Variants in ANGPT1 observed in about 807,000 individuals in gnomAD.
ANGPT1 encodes angiopoietin 1, also known as angiopoietin-1.
In ANGPT1, 17 loss-of-function variants were observed where a neutral mutation model predicts 62.2. That is an observed-to-expected ratio of 0.27 (90% confidence interval 0.19 to 0.41). ANGPT1 has a LOEUF of 0.41. Ranked by LOEUF, ANGPT1 falls within the 10% of genes least tolerant of loss-of-function variation. ANGPT1 has a pLI of 1.00. For synonymous variants in ANGPT1, 199 were observed against 198.9 expected (o/e 1.00, Z 0.00); for missense variants, 478 against 594.9 (o/e 0.80, Z 2.04).
At chr8:107,346,898 A>G in intron 2 of ANGPT1, 44 bp downstream of exon 2, 1 of 1,537,256 alleles carries the variant, frequency 6.5e-7, no homozygotes. Flanking sequence ...AGAAAAAAAA[A>G]ATTTTTCCTT....
rs187230625 is a variant in ANGPT1, at chr8:107,344,319, A to G, written c.453+2623T>C. ...AATAATTCCTCCTACAAACCCCTTC[A>G]TATTGTACTCTTGGAAAGAGGAACT... On this transcript the variant is annotated intron_variant, in intron 2 of 8. Transcript: ENST00000517746. Among the ~76,000 whole-genome samples, 299 of 152,280 alleles carry G rather than the reference A, an allele frequency of 2.0e-3. 1 individual carries two copies. The highest frequency in any genetic ancestry group is 4.3e-3 in the East Asian group (22 of 5,168).
At chr8:107,293,913 C>T (rs747497812) in intron 6 of ANGPT1, 23 bp downstream of exon 6, 1 of 1,581,344 alleles carries the variant, frequency 6.3e-7, no homozygotes. Flanking sequence ...CACCAAAAAG[C>T]ACCATAAATT....
intron 1 of ANGPT1, among the ~76,000 whole-genome samples, chr8:107,496,981 C>T (rs190879496): frequency 8.5e-5 from 13 of 152,198 alleles, no homozygotes; most frequent in African/African-American, 3.1e-4. Flanking sequence ...CAGAGAGAAC[C>T]TTAATGCTGA....
At chr8:107,388,885 C>A (rs932810059) in intron 1 of ANGPT1, among the ~76,000 whole-genome samples, 3 of 152,076 alleles carry the variant, frequency 2.0e-5, no homozygotes, top group African/African-American at 7.2e-5. Context: ...TAAAGTATTA[C>A]CAGAAGGGCA....
chr8:107,322,174 C>T (rs1218866715), intron 3 of ANGPT1, 46 bp from the exon 4 acceptor site: 1 of 1,355,102 alleles, frequency 7.4e-7, no homozygotes. Context: ...AAATGTTATA[C>T]AAAAAAACCC....
intron 1 of ANGPT1, among the ~76,000 whole-genome samples, chr8:107,393,810 AAAAC>A (rs979423768): frequency 1.1e-4 from 16 of 152,154 alleles, no homozygotes; most frequent in African/African-American, 3.6e-4. Context: ...ACTCCATCTC[AAAAC>A]AAACAAACAA....
chr8:107,313,429 GTTTTTTTT>G (rs71308720), intron 4 of ANGPT1, among the ~76,000 whole-genome samples: 2 of 64,182 alleles, frequency 3.1e-5, no homozygotes, highest in South Asian at 7.6e-4. Flanking sequence ...GTTACTAGTT[GTTTTTTTT>G]TTTTTTTTTT....
intron 1 of ANGPT1, among the ~76,000 whole-genome samples, chr8:107,378,330 G>A (rs1295151135): frequency 6.6e-6 from 1 of 152,144 alleles, no homozygotes; most frequent in Non-Finnish European, 1.5e-5. Flanking sequence ...AGTGAGAAAG[G>A]TGCATTTAGA....
intron 1 of ANGPT1, among the ~76,000 whole-genome samples, chr8:107,355,289 G>C (rs1563583534): frequency 6.6e-6 from 1 of 152,074 alleles, no homozygotes; most frequent in African/African-American, 2.4e-5. Context: ...CACAGTCACT[G>C]ACTAAGGTCA....
intron 6 of ANGPT1, among the ~76,000 whole-genome samples, chr8:107,293,407 A>G (rs1814331082): frequency 6.6e-6 from 1 of 152,192 alleles, no homozygotes; most frequent in African/African-American, 2.4e-5. Context: ...AAAGGCTGAA[A>G]GCTCCTGCTT....
chr8:107,412,547 A>C (rs1237651762), intron 1 of ANGPT1, among the ~76,000 whole-genome samples: 2 of 152,182 alleles, frequency 1.3e-5, no homozygotes, highest in Non-Finnish European at 2.9e-5. Context: ...GTATACATTC[A>C]AAAGAAATTA....
At chr8:107,297,322 G>C (rs922079927) in intron 5 of ANGPT1, among the ~76,000 whole-genome samples, 2 of 151,948 alleles carry the variant, frequency 1.3e-5, no homozygotes, top group Non-Finnish European at 2.9e-5. Context: ...CAACTTGAGT[G>C]CTACATTGCC....
intron 1 of ANGPT1, among the ~76,000 whole-genome samples, chr8:107,472,387 T>A (rs184539784): frequency 6.6e-6 from 1 of 152,078 alleles, no homozygotes; most frequent in African/African-American, 2.4e-5. Flanking sequence ...TCCTTGGCGA[T>A]AGAGAAGCTA....
intron 4 of ANGPT1, among the ~76,000 whole-genome samples, chr8:107,318,930 A>C (rs1586219068): frequency 6.6e-6 from 1 of 152,288 alleles, no homozygotes; most frequent in East Asian, 1.9e-4. Context: ...GGTAGATATT[A>C]TGATCCCATT....
intron 2 of ANGPT1, among the ~76,000 whole-genome samples, chr8:107,346,384 G>A (rs1815803857): frequency 6.6e-6 from 1 of 152,072 alleles, no homozygotes; most frequent in African/African-American, 2.4e-5. Flanking sequence ...AACTATGATG[G>A]GGTGTTTGTG....
intron 4 of ANGPT1, among the ~76,000 whole-genome samples, chr8:107,304,481 T>C (rs575729451): frequency 6.6e-6 from 1 of 151,826 alleles, no homozygotes; most frequent in Admixed American, 6.6e-5. Flanking sequence ...ATAATAGTCT[T>C]TTATAATAAA....
intron 2 of ANGPT1, chr8:107,336,664 C>CAAAA (rs764777661): frequency 1.6e-5 from 1 of 61,354 alleles, no homozygotes. Flanking sequence ...GACTCTGTCT[C>CAAAA]AAAAAAAAAA....
rs763040846 is a variant in ANGPT1, at chr8:107,321,870, T to C, written c.808+26A>G. 90 of 1,590,040 alleles carry C rather than the reference T, an allele frequency of 5.7e-5. 1 individual carries two copies. In the South Asian group the frequency reaches 9.7e-4, roughly 17 times the overall value. On this transcript the variant is annotated intron_variant, in intron 4 of 8. Coordinates refer to ENST00000517746, the MANE Select transcript of ANGPT1 (RefSeq NM_001146.5). Reference sequence around the variant, plus strand: ...ATCAAAGGAAATAAAATATTAACAATACCAAAGTGAGGAAGACATTCTTAC... The same window carrying C: ...ATCAAAGGAAATAAAATATTAACAACACCAAAGTGAGGAAGACATTCTTAC...
At chr8:107,355,444 C>G (rs569906324) in intron 1 of ANGPT1, among the ~76,000 whole-genome samples, 45 of 152,272 alleles carry the variant, frequency 3.0e-4, no homozygotes, top group African/African-American at 1.1e-3. Flanking sequence ...TGTCACTGTT[C>G]AAACTCTTTC....
Sources: gnomAD v4.1 joint callset for allele counts (sites outside exome capture counted in the v4.1 genomes callset) on GRCh38, gnomAD v4.1.1 for gene constraint, MANE v1.5 for transcripts, NCBI Gene and HGNC (gene_info 2026-07-23, HGNC 2026-07-21) for gene names.